The following SLC4A5 variants were observed in gnomAD, a reference collection of about 807,000 sequenced individuals.
SLC4A5 encodes electrogenic sodium bicarbonate cotransporter 4.
SLC4A5 carries 96 observed loss-of-function variants against 120.4 expected under a neutral mutation model. The observed-to-expected ratio is 0.80, with a 90% CI of 0.68 to 0.94. The LOEUF (loss-of-function observed/expected upper bound fraction) is 0.94, where lower values mean the gene tolerates loss of function less well. Ranked by LOEUF, SLC4A5 falls within the 40% of genes least tolerant of loss-of-function variation. The pLI is 0.00. For missense variants in SLC4A5, 1,259 were observed against 1,459.5 expected (o/e 0.86, Z 2.24); for synonymous variants, 550 against 571.1 (o/e 0.96, Z 0.53).
intron 20 of SLC4A5, among the ~76,000 whole-genome samples, chr2:74,241,466 C>T (rs1187126403): frequency 1.3e-5 from 2 of 151,716 alleles, no homozygotes; most frequent in African/African-American, 4.8e-5. Context: ...GGGGGCCAGG[C>T]GCGGTGGCTC....
intron 11 of SLC4A5, among the ~76,000 whole-genome samples, chr2:74,261,113 C>T (rs1017370705): frequency 5.3e-5 from 8 of 152,218 alleles, no homozygotes; most frequent in Admixed American, 4.6e-4. Flanking sequence ...GCATGCTGGG[C>T]CACCTCATGG....
rs543337608 is a variant in SLC4A5 at position 74,291,231 on chromosome 2, G to A, written c.272-5329C>T. On this transcript the variant is annotated intron_variant, in intron 7 of 30. Transcript: ENST00000394019. The stretch of plus-strand genomic sequence containing the variant: ...GAGAGCCCACGGACAGTGGAAGCTC[G>A]TCACTTCAGAGTGTGAGGTAAACTC... 1.9e-4 allele frequency among the ~76,000 whole-genome samples: 29 copies of A among 152,334 alleles called. 1 individual carries two copies. The South Asian group carries it at 4.1e-3, about 22-fold the overall frequency.
intron 24 of SLC4A5, among the ~76,000 whole-genome samples, chr2:74,232,118 A>T (rs1017148765): frequency 8.5e-5 from 13 of 152,186 alleles, no homozygotes; most frequent in Non-Finnish European, 1.9e-4. Context: ...GAGGGCCATC[A>T]GGGCAGTAGG....
chr2:74,222,986 C>G, intron 28 of SLC4A5, 34 bp from the exon 29 acceptor site: 8 of 1,453,130 alleles, frequency 5.5e-6, no homozygotes, highest in Non-Finnish European at 7.5e-6. Flanking sequence ...AGGATAAACA[C>G]CAACACAACA....
chr2:74,337,104 T>C (rs2104353437), intron 3 of SLC4A5, among the ~76,000 whole-genome samples: 1 of 152,282 alleles, frequency 6.6e-6, no homozygotes, highest in East Asian at 1.9e-4. Context: ...ACATTGACTT[T>C]GCTAGGTCCT....
chr2:74,224,847 TCA>T lies in SLC4A5; in HGVS notation c.3237_3238del (p.Cys1079Ter), dbSNP rs1448754480. On this transcript the variant is annotated stop_gained and frameshift_variant, in exon 28 of 31. Transcript: ENST00000394019. LOFTEE classifies it high-confidence loss of function. ...GCCTCACATCTTCCCCACCTCCTCA[TCA>T]CAGTCCTCGTGGGCCCCTTTTTTTC... is the stretch of plus-strand genomic sequence containing the variant. 1 of 1,610,928 alleles carries T rather than the reference TCA, an allele frequency of 6.2e-7. No individual in the cohort carries two copies.
At chr2:74,248,194 G>A (rs1372327907) in intron 18 of SLC4A5, among the ~76,000 whole-genome samples, 159 bp downstream of exon 18, 2 of 152,210 alleles carry the variant, frequency 1.3e-5, no homozygotes, top group Non-Finnish European at 2.9e-5. Context: ...GTAGCTGGCA[G>A]GAGTCAGGAG....
chr2:74,283,886 G>A (rs1202180999), intron 8 of SLC4A5, among the ~76,000 whole-genome samples: 3 of 146,722 alleles, frequency 2.0e-5, no homozygotes, highest in Non-Finnish European at 4.5e-5. Flanking sequence ...TGTCCAGGTT[G>A]GAGTGTAATG....
intron 25 of SLC4A5, among the ~76,000 whole-genome samples, chr2:74,228,785 C>T (rs553247290): frequency 7.2e-5 from 11 of 152,076 alleles, no homozygotes; most frequent in Non-Finnish European, 1.6e-4. Context: ...AATAGTTTGG[C>T]GGGTATCCTT....
chr2:74,269,378 T>TTTTGTTTGTTTGTTTGTTTG (rs60475335), intron 8 of SLC4A5, among the ~76,000 whole-genome samples: 1 of 150,860 alleles, frequency 6.6e-6, no homozygotes, highest in Non-Finnish European at 1.5e-5. Context: ...GCTGTTTGTT[T>TTTTGTTTGTTTGTTTGTTTG]TTTGTTTGTT....
At chr2:74,228,419 G>A (rs1197281510) in intron 25 of SLC4A5, among the ~76,000 whole-genome samples, 2 of 152,332 alleles carry the variant, frequency 1.3e-5, no homozygotes, top group Non-Finnish European at 2.9e-5. Context: ...CCTGAGGTCA[G>A]GAGTTTGAGA....
intron 6 of SLC4A5, chr2:74,308,021 G>A (rs533320180): frequency 3.3e-4 from 176 of 535,934 alleles, no homozygotes; most frequent in Non-Finnish European, 5.2e-4. Flanking sequence ...TGTCCGGGGA[G>A]GAGAGTGAGA....
chr2:74,282,335 G>A (rs567531585), intron 8 of SLC4A5, among the ~76,000 whole-genome samples: 10 of 152,350 alleles, frequency 6.6e-5, no homozygotes, highest in African/African-American at 1.7e-4. Flanking sequence ...TTTCCTGTCC[G>A]CAAGCTGGCC....
intron 5 of SLC4A5, among the ~76,000 whole-genome samples, chr2:74,315,295 C>T (rs1172456397): frequency 6.6e-6 from 1 of 151,690 alleles, no homozygotes; most frequent in Non-Finnish European, 1.5e-5. Context: ...CAAAAATTAG[C>T]CAGATGTGGT....
At chr2:74,316,321 TAAAAAA>T (rs60481743) in intron 5 of SLC4A5, among the ~76,000 whole-genome samples, 19 of 51,186 alleles carry the variant, frequency 3.7e-4, no homozygotes, top group Non-Finnish European at 7.7e-4. Flanking sequence ...AAAAGAGTTG[TAAAAAA>T]AAAAAAAAAA....
At chr2:74,254,750 G>C (rs1219346658) in intron 13 of SLC4A5, 44 bp from the exon 14 acceptor site, 2 of 1,411,944 alleles carry the variant, frequency 1.4e-6, no homozygotes, top group African/African-American at 1.4e-5. Context: ...TTAAGGAAGA[G>C]GAGCATGAAA....
intron 8 of SLC4A5, among the ~76,000 whole-genome samples, chr2:74,277,731 T>C (rs1384812195): frequency 6.6e-6 from 1 of 152,062 alleles, no homozygotes; most frequent in African/African-American, 2.4e-5. Flanking sequence ...AGAAATATGA[T>C]ATTTTTGAGA....
Position 74,252,327 on chromosome 2 carries a change from C to T in SLC4A5, c.1330G>A (p.Gly444Arg), listed in dbSNP as rs557733369. ...CCTCCATTGCCTCCTCCAGGAGCTC[C>T]GCCGCCTCCTCCCACAGAGCCATTC... The change falls in exon 16 of 31, where the codon GGA becomes AGA. Residue 444 changes from glycine to arginine, a missense_variant. Gly to Arg is a moderately radical substitution (Grantham distance 125). Transcript: ENST00000394019. 25 of 1,613,480 alleles carry T rather than the reference C, an allele frequency of 1.5e-5. No homozygotes were observed. The highest frequency in any genetic ancestry group is 1.6e-4 in the Middle Eastern group (1 of 6,062).
chr2:74,294,601 C>T (rs1385730814), intron 7 of SLC4A5, among the ~76,000 whole-genome samples: 1 of 151,998 alleles, frequency 6.6e-6, no homozygotes, highest in Non-Finnish European at 1.5e-5. Flanking sequence ...GAATCTTGAT[C>T]CCGCTTCTTT....
Sources: allele counts gnomAD v4.1 joint callset (sites outside exome capture counted in the v4.1 genomes callset), GRCh38; gene constraint gnomAD v4.1.1; transcripts MANE v1.5; gene names NCBI Gene and HGNC (gene_info 2026-07-23, HGNC 2026-07-21).